KIF22: variants seen among roughly 807,000 people sequenced by gnomAD.
KIF22 encodes the protein kinesin-like protein KIF22.
A neutral mutation model predicts 73.0 loss-of-function variants in KIF22; 62 were observed. That is an observed-to-expected ratio of 0.85 (90% CI 0.69 to 1.05). KIF22 has a LOEUF of 1.05. Among genes scored for constraint, KIF22 ranks in the 50% least tolerant of loss-of-function variants. KIF22 has a pLI of 0.00. For synonymous variants in KIF22, 411 were observed against 340.1 expected, an observed-to-expected ratio of 1.21 and a Z score of -2.29; for missense variants, 854 against 870.1, an observed-to-expected ratio of 0.98 and a Z score of 0.23.
intron 11 of KIF22, 142 bp downstream of exon 11, chr16:29,804,207 C>A: frequency 1.4e-6 from 1 of 708,804 alleles, no homozygotes; most frequent in Admixed American, 2.1e-5. Flanking sequence ...TTGCTTACCC[C>A]TGGAATGTGG....
intron 1 of KIF22, chr16:29,791,299 C>G (rs951912805): frequency 9.4e-6 from 9 of 960,838 alleles, no homozygotes; most frequent in Admixed American, 6.1e-5. Flanking sequence ...AGAGGACGGG[C>G]TGAGGAACAG....
At chr16:29,793,297 G>A (rs1332372156) in intron 1 of KIF22, among the ~76,000 whole-genome samples, 3 of 152,170 alleles carry the variant, frequency 2.0e-5, no homozygotes, top group Admixed American at 6.5e-5. Context: ...AAAATTAGCT[G>A]GGCGTGGTGG....
At chr16:29,800,808 C>T (rs1567360299) in intron 8 of KIF22, among the ~76,000 whole-genome samples, 1 of 152,144 alleles carries the variant, frequency 6.6e-6, no homozygotes, top group Admixed American at 6.5e-5. Flanking sequence ...CCAAATTCTA[C>T]TCCATTGAAT....
intron 1 of KIF22, among the ~76,000 whole-genome samples, chr16:29,791,620 C>T (rs1898819106): frequency 6.6e-6 from 1 of 152,202 alleles, no homozygotes; most frequent in Non-Finnish European, 1.5e-5. Flanking sequence ...TGCTATGTGC[C>T]AGGCACAGTT....
chr16:29,791,322 C>T (rs1898809392), intron 1 of KIF22: 7 of 879,144 alleles, frequency 8.0e-6, no homozygotes, highest in Middle Eastern at 5.6e-4. Flanking sequence ...CCGGCTGCTG[C>T]TGGGTTTGAG....
At chr16:29,803,279 C>T (rs529042959) in intron 9 of KIF22, 170 bp from the exon 10 acceptor site, 2 of 747,994 alleles carry the variant, frequency 2.7e-6, no homozygotes, top group African/African-American at 3.5e-5. Context: ...CCCCTAATCA[C>T]AGAAAGCCCT....
In KIF22 at chr16:29,800,057, TG is replaced by T; in HGVS notation, c.1280+13del. The T allele has an allele frequency of 6.2e-7, 1 of 1,606,034 alleles. No homozygotes were observed. On this transcript the variant is annotated intron_variant, in intron 8 of 13. Coordinates refer to ENST00000160827, the MANE Select transcript of KIF22 (RefSeq NM_007317.3). ...GCCTCCCAGAAACTCAGGTGAGCAG[TG>T]GGGCCTTGGGTGTATCCCCTTCCTG...
intron 12 of KIF22, 43 bp from the exon 13 acceptor site, chr16:29,805,072 G>A (rs1351048937): frequency 1.9e-6 from 3 of 1,612,838 alleles, no homozygotes; most frequent in South Asian, 1.1e-5. Context: ...GGGGAGACCG[G>A]GTACCCCCGA....
chr16:29,804,502 C>T, intron 11 of KIF22: 5 of 654,138 alleles, frequency 7.6e-6, no homozygotes, highest in South Asian at 7.6e-5. Flanking sequence ...TATTCTTTCC[C>T]TTTTAGAGAT....
At chr16:29,801,481 C>T (rs1487090023) in intron 8 of KIF22, among the ~76,000 whole-genome samples, 2 of 152,174 alleles carry the variant, frequency 1.3e-5, no homozygotes, top group Non-Finnish European at 1.5e-5. Flanking sequence ...CTCATGACCC[C>T]ATCTCTCAGT....
chr16:29,804,158 G>C (rs1042364229), intron 11 of KIF22, 93 bp downstream of exon 11: 3 of 998,530 alleles, frequency 3.0e-6, no homozygotes, highest in Non-Finnish European at 3.2e-6. Context: ...GGGGTTAAAC[G>C]AACTGGATGA....
intron 1 of KIF22, chr16:29,791,184 A>T: frequency 8.7e-7 from 1 of 1,154,726 alleles, no homozygotes; most frequent in Non-Finnish European, 1.1e-6. Context: ...AGAGTGGCGG[A>T]CGCTCTAGCC....
At chr16:29,804,357 G>A (rs1345515090) in intron 11 of KIF22, 1 of 601,770 alleles carries the variant, frequency 1.7e-6, no homozygotes, top group South Asian at 2.0e-5. Context: ...TATGACCTAA[G>A]CAGTCAAGCA....
At chr16:29,803,840 C>T (rs1312634771) in intron 10 of KIF22, among the ~76,000 whole-genome samples, 158 bp from the exon 11 acceptor site, 5 of 152,080 alleles carry the variant, frequency 3.3e-5, no homozygotes, top group African/African-American at 4.8e-5. Flanking sequence ...GACTGAAATT[C>T]CTTTAAATGC....
chr16:29,803,596 C>G lies in KIF22; in HGVS notation c.1597C>G (p.Pro533Ala), dbSNP rs1899222541. Residue 533 changes from proline to alanine, a missense_variant, in exon 10 of 14, where the codon CCC becomes GCC. Physicochemically the swap from Pro to Ala is conservative, Grantham distance 27. Transcript: ENST00000160827. Reference protein sequence around the residue: ...AKPLKKAVVMPLQLIQEQAAS... With the variant: ...AKPLKKAVVMALQLIQEQAAS... ...GCCCCTGAAAAAGGCTGTGGTGATGCCCCTACAGCTAAGTAAGTTTGACTC... is the reference window on the plus strand; with the variant it reads ...GCCCCTGAAAAAGGCTGTGGTGATGGCCCTACAGCTAAGTAAGTTTGACTC... 6.2e-7 allele frequency: 1 copy of G among 1,607,816 alleles called. No homozygotes were observed. The highest frequency in any genetic ancestry group is 8.5e-7 in the Non-Finnish European group (1 of 1,177,214).
chr16:29,803,285 G>C (rs979609172), intron 9 of KIF22, 164 bp from the exon 10 acceptor site: 6 of 761,038 alleles, frequency 7.9e-6, no homozygotes, highest in Admixed American at 3.0e-5. Flanking sequence ...ATCACAGAAA[G>C]CCCTTAATTA....
At chr16:29,803,374 C>A in intron 9 of KIF22, 75 bp from the exon 10 acceptor site, 1 of 1,570,030 alleles carries the variant, frequency 6.4e-7, no homozygotes, top group Non-Finnish European at 8.7e-7. Flanking sequence ...CTTGCATACT[C>A]ACCCTGGTAA....
At chr16:29,796,044 G>A (rs1898940623) in intron 1 of KIF22, among the ~76,000 whole-genome samples, 1 of 152,030 alleles carries the variant, frequency 6.6e-6, no homozygotes, top group African/African-American at 2.4e-5. Flanking sequence ...GCCAAGGCAG[G>A]CAGATCACTT....
intron 10 of KIF22, 146 bp from the exon 11 acceptor site, chr16:29,803,852 G>A (rs1016327354): frequency 1.4e-6 from 1 of 700,484 alleles, no homozygotes; most frequent in Admixed American, 2.4e-5. Flanking sequence ...TTTAAATGCG[G>A]GTATAAAAAA....
Sources: allele counts gnomAD v4.1 joint callset (sites outside exome capture counted in the v4.1 genomes callset), GRCh38; gene constraint gnomAD v4.1.1; transcripts MANE v1.5; gene names NCBI Gene and HGNC (gene_info 2026-07-23, HGNC 2026-07-21).